ACTN2: variants seen among roughly 807,000 people sequenced by gnomAD.
ACTN2 encodes the protein alpha-actinin-2.
Under a neutral mutation model 113.8 loss-of-function variants are expected in ACTN2, and 39 were observed. That is an observed-to-expected ratio of 0.34 (90% confidence interval 0.27 to 0.45). The LOEUF is 0.45. Ranked by LOEUF, ACTN2 falls within the 20% of genes least tolerant of loss-of-function variation. ACTN2 has a pLI of 1.00. For synonymous variants in ACTN2, 429 were observed against 444.1 expected (o/e 0.97, Z 0.43); for missense variants, 992 against 1,177.9 (o/e 0.84, Z 2.31).
intron 14 of ACTN2, among the ~76,000 whole-genome samples, chr1:236,750,264 A>T (rs1487939623): frequency 6.6e-6 from 1 of 152,172 alleles, no homozygotes; most frequent in East Asian, 1.9e-4. Context: ...GTAGAAAGGA[A>T]ATCCTGAAGG....
At chr1:236,728,174 C>T (rs113507044) in intron 6 of ACTN2, among the ~76,000 whole-genome samples, 2,103 of 142,320 alleles carry the variant, frequency 0.015, 55 homozygotes, top group African/African-American at 0.051. Context: ...GACAGAGTCT[C>T]GCTCTGTTGC....
At chr1:236,717,479 G>C (rs1335480323) in intron 1 of ACTN2, among the ~76,000 whole-genome samples, 1 of 152,038 alleles carries the variant, frequency 6.6e-6, no homozygotes, top group African/African-American at 2.4e-5. Flanking sequence ...CATCTATTCT[G>C]CTGCAAGCAA....
intron 4 of ACTN2, among the ~76,000 whole-genome samples, chr1:236,723,615 G>A (rs974775727): frequency 2.0e-5 from 3 of 151,988 alleles, no homozygotes; most frequent in African/African-American, 4.8e-5. Flanking sequence ...ACAAGTGCCC[G>A]CCACCGTGCC....
At chr1:236,753,846 T>TCCCCC in intron 15 of ACTN2, 101 bp from the exon 16 acceptor site, 1 of 1,303,056 alleles carries the variant, frequency 7.7e-7, no homozygotes, top group Non-Finnish European at 1.1e-6. Flanking sequence ...TTTCTCCTTC[T>TCCCCC]CCACTCCCAC....
intron 12 of ACTN2, among the ~76,000 whole-genome samples, chr1:236,746,562 C>T (rs1312621255): frequency 6.6e-6 from 1 of 151,872 alleles, no homozygotes; most frequent in Non-Finnish European, 1.5e-5. Context: ...TGAAAAGAGC[C>T]GGGTGTAGTG....
At chr1:236,697,934 ATTTTTT>A (rs35264789) in intron 1 of ACTN2, among the ~76,000 whole-genome samples, 1 of 127,286 alleles carries the variant, frequency 7.9e-6, no homozygotes. Context: ...TAATTTTCGT[ATTTTTT>A]TTTTTTTTTT....
At chr1:236,728,522 T>A (rs1304841193) in intron 6 of ACTN2, among the ~76,000 whole-genome samples, 1 of 152,218 alleles carries the variant, frequency 6.6e-6, no homozygotes, top group Non-Finnish European at 1.5e-5. Flanking sequence ...CAGAATTGAT[T>A]AACTCGTCCG....
Position 236,763,338 on chromosome 1 carries a change from T to TG in ACTN2, c.*720dup, listed in dbSNP as rs1187863265. On this transcript the variant is annotated 3_prime_UTR_variant, in exon 21 of 21. Transcript: ENST00000366578. The stretch of plus-strand genomic sequence containing the variant: ...AAGGACACGTGGAAGTCAGTTTAAT[T>TG]GCCAGAGAGAAGGATGCAATCACTA... 2.0e-5 allele frequency: 3 copies of TG among 152,698 alleles called. No homozygotes were observed. The highest frequency in any genetic ancestry group is 7.2e-5 in the African/African-American group (3 of 41,462). The allele number at this position is 152,698 out of a possible 1,614,324, so 9.5% of individuals were successfully genotyped here.
chr1:236,760,733 G>A (rs934488798), intron 19 of ACTN2, among the ~76,000 whole-genome samples: 4 of 152,244 alleles, frequency 2.6e-5, no homozygotes, highest in Admixed American at 6.5e-5. Flanking sequence ...CCATAATTAC[G>A]TCACGTGACC....
At chr1:236,741,228 A>G (rs1659057758) in intron 10 of ACTN2, among the ~76,000 whole-genome samples, 1 of 151,586 alleles carries the variant, frequency 6.6e-6, no homozygotes, top group Non-Finnish European at 1.5e-5. Context: ...CTTTGCAGAG[A>G]TGGGGTCTTG....
rs1272875116 is a variant in ACTN2 at position 236,749,155 on chromosome 1, A to T, written c.1547A>T (p.Gln516Leu). ...RMEKLLETIDQLHLEFAKRAA... is the reference protein window; with the variant it reads ...RMEKLLETIDLLHLEFAKRAA... ...GAGAAATTGCTAGAAACCATTGATCAGCTTCACCTGGAGTTTGCCAAGAGG... is the reference window on the plus strand; with the variant it reads ...GAGAAATTGCTAGAAACCATTGATCTGCTTCACCTGGAGTTTGCCAAGAGG... Residue 516 changes from glutamine (Q) to leucine (L), a missense_variant, in exon 14 of 21, where the codon CAG (glutamine) becomes CTG (leucine). This residue lies in a region of ACTN2 where 736 missense variants were observed against 815.4 expected (regional missense o/e 0.90). Transcript: ENST00000366578. The T allele has an allele frequency of 2.5e-6, 4 of 1,614,092 alleles. No homozygotes were observed. The highest frequency in any genetic ancestry group is 2.5e-6 in the Non-Finnish European group (3 of 1,180,046).
intron 7 of ACTN2, among the ~76,000 whole-genome samples, chr1:236,732,605 G>C (rs1428697279): frequency 6.6e-6 from 1 of 151,700 alleles, no homozygotes; most frequent in Non-Finnish European, 1.5e-5. Context: ...ACCATGCCCA[G>C]CTACTTTTTG....
At chr1:236,692,006 C>T (rs1277980598) in intron 1 of ACTN2, among the ~76,000 whole-genome samples, 1 of 152,216 alleles carries the variant, frequency 6.6e-6, no homozygotes, top group Non-Finnish European at 1.5e-5. Context: ...ATGCAGAGCT[C>T]CAGAGGTTTT....
chr1:236,736,962 G>T (rs987866469), intron 8 of ACTN2, 160 bp from the exon 9 acceptor site: 2 of 658,260 alleles, frequency 3.0e-6, no homozygotes, highest in Non-Finnish European at 5.6e-6. Context: ...TTCATAGTAC[G>T]CATAAGCCAT....
Position 236,742,897 on chromosome 1 carries a change from A to T in ACTN2, c.1109A>T (p.Asp370Val). ...TCCCTTGGCTTCCAACCATCCCAGG[A>T]TATTGCTGGTGCCTGGCAGAGGCTG... ...FMPSEGKMVS[D>V]IAGAWQRLEQ... Residue 370 changes from aspartate (D) to valine (V), a missense_variant and splice_region_variant, in exon 11 of 21, where the codon GAT (aspartate) becomes GTT (valine). Transcript: ENST00000366578. 1 of 1,614,190 alleles carries T rather than the reference A, an allele frequency of 6.2e-7. No homozygotes were observed. The highest frequency in any genetic ancestry group is 8.5e-7 in the Non-Finnish European group (1 of 1,180,046).
chr1:236,689,756 T>G (rs1050515140), intron 1 of ACTN2, among the ~76,000 whole-genome samples: 6 of 152,194 alleles, frequency 3.9e-5, no homozygotes, highest in African/African-American at 1.2e-4. Context: ...TCTAAGTAAA[T>G]TGGGACCTCT....
chr1:236,687,523 C>G (rs1199386007), intron 1 of ACTN2, among the ~76,000 whole-genome samples: 1 of 152,226 alleles, frequency 6.6e-6, no homozygotes, highest in African/African-American at 2.4e-5. Flanking sequence ...AATCCCGCCT[C>G]TTACTTGACT....
At chr1:236,717,494 A>T (rs907476110) in intron 1 of ACTN2, among the ~76,000 whole-genome samples, 5 of 151,588 alleles carry the variant, frequency 3.3e-5, no homozygotes, top group African/African-American at 1.2e-4. Context: ...AAGCAAGCAT[A>T]TTTTGCATAT....
chr1:236,713,437 G>C (rs563368206), intron 1 of ACTN2, among the ~76,000 whole-genome samples: 2 of 152,130 alleles, frequency 1.3e-5, no homozygotes, highest in Non-Finnish European at 2.9e-5. Flanking sequence ...GTGTTGGTCA[G>C]GCTGGTCTTG....
Sources: allele counts gnomAD v4.1 joint callset (sites outside exome capture counted in the v4.1 genomes callset), GRCh38; gene constraint gnomAD v4.1.1; regional missense constraint gnomAD v4.1.1; transcripts MANE v1.5; gene names NCBI Gene and HGNC (gene_info 2026-07-23, HGNC 2026-07-21).